Variants in DNAJC13 observed in about 807,000 individuals in gnomAD.
DNAJC13 encodes the protein DnaJ heat shock protein family (Hsp40) member C13, also known as dnaJ homolog subfamily C member 13.
Under a neutral mutation model 290.5 loss-of-function variants are expected in DNAJC13, and 75 were observed. The ratio of observed to expected loss-of-function variants is 0.26; its 90% confidence interval spans 0.21 to 0.31. The LOEUF is 0.31. Among genes scored for constraint, DNAJC13 ranks in the 10% least tolerant of loss-of-function variants. The probability of loss-of-function intolerance (pLI) is 1.00; values close to 1 mark genes in which losing one functional copy is unlikely to be tolerated. For missense variants in DNAJC13, 2,260 were observed against 2,674.5 expected, an observed-to-expected ratio of 0.85 and a Z score of 3.42; for synonymous variants, 862 against 892.0, an observed-to-expected ratio of 0.97 and a Z score of 0.60.
intron 29 of DNAJC13, 144 bp downstream of exon 29, chr3:132,484,816 C>T: frequency 1.4e-6 from 1 of 721,252 alleles, no homozygotes. Context: ...CACCTCCAAT[C>T]CCAGCACTTT....
intron 41 of DNAJC13, among the ~76,000 whole-genome samples, chr3:132,505,007 G>A (rs1336055342): frequency 6.6e-6 from 1 of 152,140 alleles, no homozygotes; most frequent in Non-Finnish European, 1.5e-5. Context: ...TTTCACCATG[G>A]CACAGCAGAT....
At position 132,478,194 on chromosome 3, in the gene DNAJC13, T is replaced by C. The variant is rs1417953697; in HGVS notation, c.2709+54T>C. The C allele has an allele frequency of 2.1e-6, 3 of 1,445,920 alleles. No homozygotes were observed. The East Asian group carries it at 7.1e-5, about 34-fold the overall frequency. The allele number at this position is 1,445,920 out of a possible 1,614,324, so 89.6% of individuals were successfully genotyped here. ...TTTGATAGTGTCACTAGGGTATGTG[T>C]TAAATTTTAAAAACTAAATTTAAAT... On this transcript the variant is annotated intron_variant, in intron 24 of 55. Coordinates refer to ENST00000260818, the MANE Select transcript of DNAJC13 (RefSeq NM_015268.4).
intron 43 of DNAJC13, 100 bp downstream of exon 43, chr3:132,507,453 G>A (rs905338515): frequency 8.3e-6 from 6 of 723,592 alleles, no homozygotes; most frequent in African/African-American, 3.7e-5. Flanking sequence ...TCATTTTATT[G>A]CACTTTCTTT....
chr3:132,469,179 A>G (rs1038334879), intron 20 of DNAJC13, among the ~76,000 whole-genome samples: 3 of 152,232 alleles, frequency 2.0e-5, no homozygotes, highest in African/African-American at 7.2e-5. Context: ...TATTTTTAAC[A>G]GTAATTTCTT....
intron 13 of DNAJC13, among the ~76,000 whole-genome samples, chr3:132,460,029 A>G (rs1269326038): frequency 6.6e-6 from 1 of 152,186 alleles, no homozygotes; most frequent in Non-Finnish European, 1.5e-5. Context: ...GTATATGTTG[A>G]GTTAATTGTT....
At chr3:132,460,917 C>T (rs147868685) in intron 14 of DNAJC13, 133 bp from the exon 15 acceptor site, 12 of 820,290 alleles carry the variant, frequency 1.5e-5, no homozygotes, top group Middle Eastern at 3.6e-4. Context: ...CAACTTTGAA[C>T]CTCATGTTGA....
intron 2 of DNAJC13, among the ~76,000 whole-genome samples, chr3:132,442,362 A>G (rs1933101016): frequency 6.6e-6 from 1 of 152,160 alleles, no homozygotes; most frequent in South Asian, 2.1e-4. Flanking sequence ...ATGCTGTAAC[A>G]TTTTTATTTT....
intron 53 of DNAJC13, among the ~76,000 whole-genome samples, chr3:132,527,684 CCTCT>C (rs1936301783): frequency 6.6e-6 from 1 of 152,094 alleles, no homozygotes; most frequent in East Asian, 1.9e-4. Context: ...CTTCCTATTC[CCTCT>C]GAGTTTCAAA....
intron 32 of DNAJC13, among the ~76,000 whole-genome samples, chr3:132,491,320 T>C (rs963079398): frequency 2.6e-5 from 4 of 152,172 alleles, no homozygotes; most frequent in Admixed American, 2.0e-4. Context: ...AATCAGTTTA[T>C]AGAACTCGTA....
At chr3:132,472,129 G>A (rs544955543) in intron 20 of DNAJC13, among the ~76,000 whole-genome samples, 2 of 148,052 alleles carry the variant, frequency 1.4e-5, no homozygotes, top group South Asian at 4.8e-4. Context: ...GCAGGCACTC[G>A]GCAGGCTGAG....
chr3:132,533,528 G>A (rs945843680), intron 55 of DNAJC13, among the ~76,000 whole-genome samples: 4 of 151,710 alleles, frequency 2.6e-5, no homozygotes, highest in Non-Finnish European at 5.9e-5. Context: ...TAGAGACGGG[G>A]TTTTGCTGTG....
At chr3:132,515,066 C>T (rs1478239534) in intron 46 of DNAJC13, among the ~76,000 whole-genome samples, 28 of 152,102 alleles carry the variant, frequency 1.8e-4, no homozygotes, top group Admixed American at 1.8e-3. Flanking sequence ...TTGTCTTTTG[C>T]TGATTTGATA....
rs1458372300 is a variant in DNAJC13, at chr3:132,482,304, A to G, written c.2953A>G (p.Arg985Gly). ...EWYFGNADKERSGPYGFHEMQ... is the reference protein window; with the variant it reads ...EWYFGNADKEGSGPYGFHEMQ... ...GTATTTTGGCAACGCAGACAAAGAA[A>G]GGAGTGGCCCGTATGGATTTCATGA... Residue 985 changes from arginine to glycine, a missense_variant, in exon 27 of 56, where the codon AGG becomes GGG. Arg to Gly is a moderately radical substitution (Grantham distance 125). Coordinates refer to ENST00000260818, the MANE Select transcript of DNAJC13 (RefSeq NM_015268.4). 2 of 1,613,822 alleles carry G rather than the reference A, an allele frequency of 1.2e-6. No individual in the cohort carries two copies. Among genetic ancestry groups the G allele is most frequent in the Admixed American group, 1.7e-5 (1 of 60,000 alleles).
intron 20 of DNAJC13, among the ~76,000 whole-genome samples, chr3:132,467,809 T>C (rs530986101): frequency 6.6e-6 from 1 of 152,344 alleles, no homozygotes; most frequent in East Asian, 1.9e-4. Context: ...TACATTTTCC[T>C]TAGTTCATAG....
Position 132,495,084 on chromosome 3 carries a change from A to T in DNAJC13, c.3942-4A>T. On this transcript the variant is annotated splice_polypyrimidine_tract_variant and splice_region_variant and intron_variant, in intron 34 of 55. Coordinates refer to ENST00000260818, the MANE Select transcript of DNAJC13 (RefSeq NM_015268.4). The stretch of plus-strand genomic sequence containing the variant: ...ACTCATAAAACAATTTTCCTGTTTA[A>T]CAGGCATGATGAGAGCAAGATTAGG... 1.2e-6 allele frequency: 2 copies of T among 1,611,028 alleles called. No homozygotes were observed. Among genetic ancestry groups the T allele is most frequent in the Non-Finnish European group, 1.7e-6 (2 of 1,177,972 alleles).
At chr3:132,450,992 C>T in intron 6 of DNAJC13, 145 bp downstream of exon 6, 1 of 517,212 alleles carries the variant, frequency 1.9e-6, no homozygotes. Context: ...ATCAAAGATA[C>T]CTGAGCTTGA....
chr3:132,448,004 A>G, intron 5 of DNAJC13, 65 bp downstream of exon 5: 1 of 1,159,238 alleles, frequency 8.6e-7, no homozygotes, highest in South Asian at 1.3e-5. Flanking sequence ...TGTAGAAATC[A>G]TTTCATAATC....
intron 47 of DNAJC13, 102 bp from the exon 48 acceptor site, chr3:132,516,602 A>C (rs1475033980): frequency 6.6e-6 from 10 of 1,522,548 alleles, no homozygotes; most frequent in Non-Finnish European, 1.8e-6. Context: ...TGGAATGTTT[A>C]CAGTTTTTAA....
At chr3:132,443,808 C>T (rs892401246) in intron 2 of DNAJC13, among the ~76,000 whole-genome samples, 19 of 152,026 alleles carry the variant, frequency 1.2e-4, no homozygotes, top group African/African-American at 2.2e-4. Context: ...AAGATAGCTC[C>T]GTGTTTACTA....
Sources: allele counts gnomAD v4.1 joint callset (sites outside exome capture counted in the v4.1 genomes callset), GRCh38; gene constraint gnomAD v4.1.1; transcripts MANE v1.5; gene names NCBI Gene and HGNC (gene_info 2026-07-23, HGNC 2026-07-21).